Variants in GMNN observed in about 807,000 individuals in gnomAD.
GMNN encodes geminin DNA replication inhibitor.
Under a neutral mutation model 20.9 loss-of-function variants are expected in GMNN, and 14 were observed. The ratio of observed to expected loss-of-function variants is 0.67; its 90% CI spans 0.44 to 1.05. The LOEUF (loss-of-function observed/expected upper bound fraction) is 1.05, where lower values mean the gene tolerates loss of function less well. Ranked by LOEUF, GMNN falls within the 50% of genes least tolerant of loss-of-function variation. GMNN has a pLI of 0.00. For missense variants in GMNN, 227 were observed against 243.8 expected (o/e 0.93, Z 0.46); for synonymous variants, 81 against 85.8 (o/e 0.94, Z 0.31).
At chr6:24,778,843 T>A (rs1162767184) in intron 2 of GMNN, among the ~76,000 whole-genome samples, 2 of 152,232 alleles carry the variant, frequency 1.3e-5, no homozygotes, top group Non-Finnish European at 2.9e-5. Context: ...TCTGGTTTCA[T>A]CTATGTCCTT....
intron 4 of GMNN, among the ~76,000 whole-genome samples, chr6:24,781,916 T>C (rs1271607000): frequency 6.6e-6 from 1 of 152,092 alleles, no homozygotes; most frequent in Non-Finnish European, 1.5e-5. Context: ...AGTGAGGCTC[T>C]CTCTGTATGA....
chr6:24,777,319 A>ATT (rs111973967), intron 2 of GMNN, 22 bp downstream of exon 2: 38 of 947,796 alleles, frequency 4.0e-5, no homozygotes, highest in Admixed American at 2.1e-4. Context: ...AATAACTTTA[A>ATT]TTTTTTTTTG....
At chr6:24,780,038 G>A (rs1450018256) in intron 2 of GMNN, among the ~76,000 whole-genome samples, 1 of 152,108 alleles carries the variant, frequency 6.6e-6, no homozygotes, top group Non-Finnish European at 1.5e-5. Flanking sequence ...GTATTTGAGG[G>A]ATATTCATGA....
In GMNN at chr6:24,785,693, A is replaced by G. The variant is rs1196862808; in HGVS notation, c.524A>G (p.Asp175Gly). The part of the protein sequence containing the change: ...NFESLDNQEF[D>G]SEEETVEDSL... ...GAATCACTGGATAATCAGGAATTTG[A>G]TTCTGAAGAAGAAACTGTTGAGGAT... The change falls in exon 7 of 7, where the codon GAT becomes GGT. Residue 175 changes from aspartate (D) to glycine (G), a missense_variant. Coordinates refer to ENST00000230056, the MANE Select transcript of GMNN (RefSeq NM_015895.5). 1 of 1,564,100 alleles carries G rather than the reference A, an allele frequency of 6.4e-7. No homozygotes were observed. Among genetic ancestry groups the G allele is most frequent in the Admixed American group, 1.7e-5 (1 of 57,530 alleles).
Position 24,779,131 on chromosome 6 carries a change from C to G in GMNN, c.52-1532C>G, listed in dbSNP as rs141090284. ...ATCCTTGTGAGTTGCATGCAAAATT[C>G]TGTGTGAATGTGCTTTTATGTGAAT... On this transcript the variant is annotated intron_variant, in intron 2 of 6. Coordinates refer to ENST00000230056, the MANE Select transcript of GMNN (RefSeq NM_015895.5). Among the ~76,000 whole-genome samples, 20 of 152,242 alleles carry G rather than the reference C, an allele frequency of 1.3e-4. No individual in the cohort carries two copies. The South Asian group carries it at 1.9e-3, about 14-fold the overall frequency.
Position 24,784,484 on chromosome 6 carries a change from G to T in GMNN, c.398G>T (p.Arg133Leu), listed in dbSNP as rs201577150. 5.0e-6 allele frequency: 8 copies of T among 1,586,436 alleles called. No individual in the cohort carries two copies. Among genetic ancestry groups the T allele is most frequent in the Non-Finnish European group, 6.9e-6 (8 of 1,155,066 alleles). Residue 133 changes from arginine (R) to leucine (L), a missense_variant, in exon 6 of 7, where the codon CGC (arginine) becomes CTC (leucine). Physicochemically the swap from Arg to Leu is moderately radical, Grantham distance 102. Transcript: ENST00000230056. ...EIEQKDNEIA[R>L]LKKENKELAE... ...GAACAAAAGGACAATGAAATTGCCC[G>T]CCTGAAAAAGGAGAATAAAGAACTG...
chr6:24,776,259 G>A (rs1477539304), intron 1 of GMNN, among the ~76,000 whole-genome samples: 2 of 152,040 alleles, frequency 1.3e-5, no homozygotes, highest in African/African-American at 2.4e-5. Context: ...CACCACGTCC[G>A]GCTAATTTTT....
chr6:24,777,514 A>C, intron 2 of GMNN: 1 of 323,410 alleles, frequency 3.1e-6, no homozygotes, highest in Non-Finnish European at 5.6e-6. Flanking sequence ...TTGGTCTTTC[A>C]ACAGTATTTT....
chr6:24,784,396 A>G (rs190188947), intron 5 of GMNN, 48 bp from the exon 6 acceptor site: 12 of 874,918 alleles, frequency 1.4e-5, no homozygotes, highest in East Asian at 1.2e-4. Context: ...AATTTGATTT[A>G]TAGCATAGCA....
chr6:24,786,021 T>C lies in GMNN; in HGVS notation c.*222T>C. 1 of 417,282 alleles carries C rather than the reference T, an allele frequency of 2.4e-6. No homozygotes were observed. Among genetic ancestry groups the C allele is most frequent in the Non-Finnish European group, 4.2e-6 (1 of 237,288 alleles). The allele number at this position is 417,282 out of a possible 1,614,324, so 25.8% of individuals were successfully genotyped here. On this transcript the variant is annotated 3_prime_UTR_variant, in exon 7 of 7. Coordinates refer to ENST00000230056, the MANE Select transcript of GMNN (RefSeq NM_015895.5). ...AGTTGTCAGCCATGACTTATGTTTA[T>C]TACTAAATAAACTTCAAACTCCTGT...
chr6:24,783,090 G>A (rs1168690587), intron 4 of GMNN, among the ~76,000 whole-genome samples: 1 of 152,120 alleles, frequency 6.6e-6, no homozygotes, highest in Non-Finnish European at 1.5e-5. Flanking sequence ...CAGGTCAGGG[G>A]CAGGGAAACT....
chr6:24,781,949 C>A (rs1277913496), intron 4 of GMNN, among the ~76,000 whole-genome samples: 4 of 152,108 alleles, frequency 2.6e-5, no homozygotes, highest in Non-Finnish European at 4.4e-5. Context: ...AGCATGGTGG[C>A]TTGTGCCTGT....
intron 6 of GMNN, 111 bp from the exon 7 acceptor site, chr6:24,785,527 A>G (rs1371890742): frequency 3.9e-6 from 2 of 517,326 alleles, no homozygotes; most frequent in East Asian, 3.4e-5. Context: ...GGGCAAGATG[A>G]AAAAAATCTC....
In GMNN at chr6:24,777,177, A is replaced by C. The variant is rs991915376; in HGVS notation, c.-25-45A>C. 21 of 625,382 alleles carry C rather than the reference A, an allele frequency of 3.4e-5. No individual in the cohort carries two copies. The South Asian group carries it at 4.5e-4, about 13-fold the overall frequency. 38.7% of individuals were successfully genotyped at this position (625,382 alleles called of 1,614,324 possible). ...ATGATTGTAAGTATTTTAAACCTAG[A>C]CTCCACCTTCGGGGGTGCAAACCAT... On this transcript the variant is annotated intron_variant, in intron 1 of 6. Transcript: ENST00000230056.
At chr6:24,784,651 A>G (rs1780302296) in intron 6 of GMNN, 97 bp downstream of exon 6, 1 of 559,092 alleles carries the variant, frequency 1.8e-6, no homozygotes. Context: ...GGGCTCTGGA[A>G]TCAGATTTCC....
intron 5 of GMNN, 80 bp downstream of exon 5, chr6:24,784,249 A>G: frequency 1.2e-6 from 1 of 805,956 alleles, no homozygotes; most frequent in Non-Finnish European, 2.2e-6. Context: ...TTAGAGCAAT[A>G]TGGGCTAGCT....
rs752299819 is a variant in GMNN, at chr6:24,777,258, T to C, written c.12T>C (p.Ser4=). The change falls in exon 2 of 7, where the codon AGT becomes AGC. Residue 4 remains serine, a synonymous_variant. Coordinates refer to ENST00000230056, the MANE Select transcript of GMNN (RefSeq NM_015895.5). The stretch of plus-strand genomic sequence containing the variant: ...TCACCATCTACATAATGAATCCCAG[T>C]ATGAAGCAGAAACAAGAAGAAATCA... The part of the protein sequence containing the change: MNP[S]MKQKQEEIKE... 11 of 1,412,614 alleles carry C rather than the reference T, an allele frequency of 7.8e-6. No individual in the cohort carries two copies. In the African/African-American group the frequency reaches 1.5e-4, roughly 19 times the overall value. The allele number at this position is 1,412,614 out of a possible 1,614,324, so 87.5% of individuals were successfully genotyped here.
intron 3 of GMNN, 67 bp downstream of exon 3, chr6:24,780,807 T>G: frequency 1.3e-6 from 1 of 789,060 alleles, no homozygotes; most frequent in Admixed American, 1.9e-5. Flanking sequence ...ATTTCTACTA[T>G]TTTCTTGGTC....
chr6:24,785,591 T>A (rs1780331715), intron 6 of GMNN, 47 bp from the exon 7 acceptor site: 2 of 963,244 alleles, frequency 2.1e-6, no homozygotes, highest in Non-Finnish European at 3.2e-6. Flanking sequence ...CTGATCAGCT[T>A]AGGTTTTAAC....
Sources: gnomAD v4.1 joint callset for allele counts (sites outside exome capture counted in the v4.1 genomes callset) on GRCh38, gnomAD v4.1.1 for gene constraint, MANE v1.5 for transcripts, NCBI Gene and HGNC (gene_info 2026-07-23, HGNC 2026-07-21) for gene names.